The following STON2 variants were observed in gnomAD, a reference collection of about 807,000 sequenced individuals.
STON2 encodes the protein stonin 2.
STON2 carries 29 observed loss-of-function variants against 65.7 expected under a neutral mutation model. The observed-to-expected ratio is 0.44, with a 90% CI of 0.33 to 0.60. The LOEUF (loss-of-function observed/expected upper bound fraction) is 0.60, where lower values mean the gene tolerates loss of function less well. STON2 is among the 20% of genes least tolerant of loss of function. The pLI is 0.03. For synonymous variants in STON2, 404 were observed against 414.2 expected (o/e 0.98, Z 0.30); for missense variants, 1,054 against 1,118.1 (o/e 0.94, Z 0.82).
chr14:81,398,645 T>C (rs1900452991), intron 1 of STON2, 65 bp from the exon 2 acceptor site: 2 of 362,742 alleles, frequency 5.5e-6, no homozygotes, highest in Non-Finnish European at 9.9e-6. Context: ...TGAATCCACA[T>C]AGGTCTAGGG....
intron 2 of STON2, among the ~76,000 whole-genome samples, chr14:81,420,206 T>G (rs1901636699): frequency 6.6e-6 from 1 of 152,182 alleles, no homozygotes; most frequent in African/African-American, 2.4e-5. Context: ...TTCAGTCCAG[T>G]GGCCCAGAGA....
chr14:81,417,051 CT>C (rs2139881201), intron 2 of STON2, among the ~76,000 whole-genome samples: 1 of 152,298 alleles, frequency 6.6e-6, no homozygotes, highest in South Asian at 2.1e-4. Flanking sequence ...CCCCCTTCCT[CT>C]TTTGTAAAAA....
At chr14:81,422,149 T>C (rs995995204) in intron 2 of STON2, among the ~76,000 whole-genome samples, 1 of 152,154 alleles carries the variant, frequency 6.6e-6, no homozygotes, top group East Asian at 1.9e-4. Context: ...TGATCCCCAG[T>C]GTTGGTGGTG....
At position 81,359,134 on chromosome 14, in the gene STON2, T is replaced by C. The variant is rs529376455; in HGVS notation, c.571+11854A>G. ...AACATTATCCAGTATAGATCATATG[T>C]TGGGTCACAAGACAAGTCTTATTAA... On this transcript the variant is annotated intron_variant, in intron 4 of 7. Transcript: ENST00000614646. Among the ~76,000 whole-genome samples the C allele has an allele frequency of 9.2e-5, 14 of 152,286 alleles. 1 individual carries two copies. In the South Asian group the frequency reaches 2.9e-3, roughly 32 times the overall value.
chr14:81,428,119 C>T lies in STON2; in HGVS notation c.-309-907G>A, dbSNP rs535893079. Among the ~76,000 whole-genome samples the T allele has an allele frequency of 2.2e-4, 34 of 152,224 alleles. 1 individual carries two copies. Among genetic ancestry groups the T allele is most frequent in the Admixed American group, 9.2e-4 (14 of 15,296 alleles). On this transcript the variant is annotated intron_variant, in intron 1 of 8. Coordinates refer to the STON2 transcript ENST00000553821. ...CATGGTATAACCACTCAGCAGTGGA[C>T]GTAAAACTCAACGCATGATAGCTAT...
chr14:81,360,002 G>T (rs1898419336), intron 4 of STON2, among the ~76,000 whole-genome samples: 1 of 152,180 alleles, frequency 6.6e-6, no homozygotes, highest in African/African-American at 2.4e-5. Context: ...GAGGGCAGAG[G>T]ATCGCTCATT....
At chr14:81,320,105 G>A (rs899790709) in intron 5 of STON2, among the ~76,000 whole-genome samples, 1 of 152,058 alleles carries the variant, frequency 6.6e-6, no homozygotes, top group Non-Finnish European at 1.5e-5. Context: ...CCTCACTCAC[G>A]TGGCCAGTGT....
rs1894378051 is a variant in STON2, at chr14:81,266,880, T to A, written c.*1534A>T. On this transcript the variant is annotated 3_prime_UTR_variant, in exon 8 of 8. Coordinates refer to ENST00000614646, the MANE Select transcript of STON2 (RefSeq NM_001394390.1). The stretch of plus-strand genomic sequence containing the variant: ...ACTCTGTACTTAGAGGGTTGCATTT[T>A]AAAAACCCAGAATATAGGGTTTCTC... 1.0e-6 allele frequency: 1 copy of A among 982,494 alleles called. No individual in the cohort carries two copies. Among genetic ancestry groups the A allele is most frequent in the East Asian group, 1.1e-4 (1 of 8,788 alleles). The allele number at this position is 982,494 out of a possible 1,614,324, so 60.9% of individuals were successfully genotyped here. A position where few individuals can be genotyped will look rare whatever the true frequency, so the allele number is the denominator to read the frequency against.
intron 2 of STON2, among the ~76,000 whole-genome samples, chr14:81,417,627 T>C (rs1901501127): frequency 6.6e-6 from 1 of 152,162 alleles, no homozygotes; most frequent in Admixed American, 6.5e-5. Flanking sequence ...AATACGTTTT[T>C]GGGATATGTT....
At chr14:81,374,799 T>C (rs1378108358) in intron 3 of STON2, among the ~76,000 whole-genome samples, 1 of 151,540 alleles carries the variant, frequency 6.6e-6, no homozygotes, top group African/African-American at 2.4e-5. Flanking sequence ...AGAAAGAAAA[T>C]GGTAGAGGGG....
At chr14:81,319,869 A>C (rs1240690520) in intron 5 of STON2, among the ~76,000 whole-genome samples, 1 of 152,202 alleles carries the variant, frequency 6.6e-6, no homozygotes, top group African/African-American at 2.4e-5. Flanking sequence ...TCTTCTACTG[A>C]GTTGAACTAA....
At chr14:81,273,338 G>C (rs1413294820) in intron 6 of STON2, among the ~76,000 whole-genome samples, 1 of 152,174 alleles carries the variant, frequency 6.6e-6, no homozygotes, top group Non-Finnish European at 1.5e-5. Flanking sequence ...TTCCCTTGAT[G>C]AGGTTGAGAA....
chr14:81,331,506 G>A lies in STON2; in HGVS notation c.572-7319C>T, dbSNP rs75885149. 6.3e-3 allele frequency among the ~76,000 whole-genome samples: 962 copies of A among 152,226 alleles called. 10 individuals carry two copies. Among genetic ancestry groups the A allele is most frequent in the African/African-American group, 0.022 (898 of 41,516 alleles). The stretch of plus-strand genomic sequence containing the variant: ...CCACAGTTCAATACTACTGGGAGGG[G>A]GGGTACAGAGCCACAAACTAGTATC... On this transcript the variant is annotated intron_variant, in intron 4 of 7. Transcript: ENST00000614646.
rs141745816 is a variant in STON2, at chr14:81,393,201, T to C, written c.373+2693A>G. Among the ~76,000 whole-genome samples, 532 of 152,306 alleles carry C rather than the reference T, an allele frequency of 3.5e-3. 3 individuals carry two copies. Among genetic ancestry groups the C allele is most frequent in the Middle Eastern group, 0.01 (3 of 294 alleles). ...AGTGAAGAGTTGAGCAAATTGACTG[T>C]CATATAAATAGTTTTGAGCAATCAG... On this transcript the variant is annotated intron_variant, in intron 3 of 7. Transcript: ENST00000614646.
rs1351750496 is a variant in STON2 at position 81,261,069 on chromosome 14, T to C, written c.*7345A>G. On this transcript the variant is annotated 3_prime_UTR_variant, in exon 8 of 8. Transcript: ENST00000614646. ...GTTTTCTCCAGGTTCTCTTGTTAAGTAGACATAAAAGTTAAATGAATGCTG... is the reference window on the plus strand; with the variant it reads ...GTTTTCTCCAGGTTCTCTTGTTAAGCAGACATAAAAGTTAAATGAATGCTG... 1.3e-5 allele frequency: 2 copies of C among 152,172 alleles called. No individual in the cohort carries two copies. The highest frequency in any genetic ancestry group is 3.9e-4 in the East Asian group (2 of 5,174). 9.4% of individuals were successfully genotyped at this position (152,172 alleles called of 1,614,324 possible). A position where few individuals can be genotyped will look rare whatever the true frequency, so the allele number is the denominator to read the frequency against.
At chr14:81,329,633 T>C (rs1269632978) in intron 4 of STON2, among the ~76,000 whole-genome samples, 1 of 152,080 alleles carries the variant, frequency 6.6e-6, no homozygotes, top group Non-Finnish European at 1.5e-5. Flanking sequence ...TGTGAGAGAA[T>C]ACATTTCCGT....
intron 2 of STON2, among the ~76,000 whole-genome samples, chr14:81,418,949 A>C (rs1901572459): frequency 6.6e-6 from 1 of 152,144 alleles, no homozygotes; most frequent in Non-Finnish European, 1.5e-5. Context: ...CTTTTTAGCA[A>C]GATTAAAACT....
In STON2 at chr14:81,264,045, C is replaced by G. The variant is rs941750518; in HGVS notation, c.*4369G>C. On this transcript the variant is annotated 3_prime_UTR_variant, in exon 8 of 8. Transcript: ENST00000614646. ...ACTGCATGAAGACTGGTTGTGCACT[C>G]TATCAAATGCTTTCTTTTCCTACTG... 9.1e-6 allele frequency: 9 copies of G among 985,316 alleles called. No homozygotes were observed. The highest frequency in any genetic ancestry group is 1.1e-5 in the Non-Finnish European group (9 of 829,950). The allele number at this position is 985,316 out of a possible 1,614,324, so 61.0% of individuals were successfully genotyped here.
intron 3 of STON2, among the ~76,000 whole-genome samples, chr14:81,392,358 G>C (rs1423801557): frequency 6.6e-6 from 1 of 152,266 alleles, no homozygotes; most frequent in South Asian, 2.1e-4. Context: ...AAGTGCTCTA[G>C]ATGAACTCTG....
Sources: allele counts gnomAD v4.1 joint callset (sites outside exome capture counted in the v4.1 genomes callset), GRCh38; gene constraint gnomAD v4.1.1; transcripts MANE v1.5; gene names NCBI Gene and HGNC (gene_info 2026-07-23, HGNC 2026-07-21).